The following ZBBX variants were observed in gnomAD, a reference collection of about 807,000 sequenced individuals.
ZBBX encodes the protein zinc finger B-box domain containing, also known as zinc finger B-box domain-containing protein 1.
ZBBX carries 101 observed loss-of-function variants against 108.5 expected under a neutral mutation model. That is an observed-to-expected ratio of 0.93 (90% CI 0.79 to 1.10). The LOEUF is 1.10. Among genes scored for constraint, ZBBX ranks in the 50% least tolerant of loss-of-function variants. ZBBX has a pLI of 0.00. For synonymous variants in ZBBX, 356 were observed against 323.4 expected, an observed-to-expected ratio of 1.10 and a Z score of -1.08; for missense variants, 1,009 against 941.4, an observed-to-expected ratio of 1.07 and a Z score of -0.94.
At chr3:167,390,535 A>G (rs745474748) in intron 1 of ZBBX, among the ~76,000 whole-genome samples, 3 of 151,902 alleles carry the variant, frequency 2.0e-5, no homozygotes, top group African/African-American at 4.8e-5. Flanking sequence ...AAGAAAGCCA[A>G]TGGTAGCTTG....
At chr3:167,343,849 CCAG>C (rs1459850042) in intron 9 of ZBBX, among the ~76,000 whole-genome samples, 2 of 151,944 alleles carry the variant, frequency 1.3e-5, no homozygotes, top group South Asian at 4.2e-4. Flanking sequence ...ACCATATGAC[CCAG>C]CAATTCCACC....
chr3:167,401,785 G>A (rs929329946), intron 1 of ZBBX, among the ~76,000 whole-genome samples: 2 of 152,170 alleles, frequency 1.3e-5, no homozygotes, highest in South Asian at 4.1e-4. Context: ...AACTGTCTGG[G>A]AATGCAGCCC....
intron 20 of ZBBX, among the ~76,000 whole-genome samples, chr3:167,247,174 A>G (rs1721717177): frequency 6.6e-6 from 1 of 152,180 alleles, no homozygotes; most frequent in Admixed American, 6.5e-5. Flanking sequence ...ACTAGCAGGC[A>G]GACACACAGG....
intron 9 of ZBBX, among the ~76,000 whole-genome samples, chr3:167,340,929 C>T (rs1335686297): frequency 6.6e-6 from 1 of 151,884 alleles, no homozygotes; most frequent in Admixed American, 6.6e-5. Context: ...TCCTGTTCTG[C>T]TCATCATATT....
the ZBBX span, among the ~76,000 whole-genome samples, chr3:167,186,663 C>G: frequency 6.6e-6 from 1 of 152,086 alleles, no homozygotes; most frequent in African/African-American, 2.4e-5. Context: ...TGACAGACCT[C>G]AGTAAATTTA....
rs147451579 is a variant in ZBBX at position 167,265,386 on chromosome 3, G to A, written c.2254+16852C>T. ...GTCAAGAAATATCATCTAGGAGCTA[G>A]GACCTGAAATGGGGGGCTCACAACT... On this transcript the variant is annotated intron_variant, in intron 20 of 21. Transcript: ENST00000675490. 3.5e-4 allele frequency among the ~76,000 whole-genome samples: 54 copies of A among 152,238 alleles called. 2 individuals carry two copies. In the East Asian group the frequency reaches 0.01, roughly 30 times the overall value.
intron 16 of ZBBX, among the ~76,000 whole-genome samples, chr3:167,308,182 C>T (rs562927875): frequency 5.3e-5 from 8 of 152,244 alleles, no homozygotes; most frequent in African/African-American, 1.9e-4. Context: ...AAGGGACATA[C>T]ATGTGACCAC....
At position 167,266,435 on chromosome 3, in the gene ZBBX, C is replaced by T. The variant is rs939887940; in HGVS notation, c.2254+15803G>A. 3.9e-5 allele frequency among the ~76,000 whole-genome samples: 6 copies of T among 152,122 alleles called. No homozygotes were observed. In the South Asian group the frequency reaches 8.3e-4, roughly 21 times the overall value. On this transcript the variant is annotated intron_variant, in intron 20 of 21. Transcript: ENST00000675490. ...TACTATAAACAGCTTACCCCCTTCC[C>T]GTCAGTTCTAATCAATAACTCACAT...
chr3:167,224,327 A>G, the ZBBX span, among the ~76,000 whole-genome samples: 4 of 151,950 alleles, frequency 2.6e-5, no homozygotes, highest in African/African-American at 7.2e-5. Context: ...CATTACAGAG[A>G]TGCTGATCAA....
intron 20 of ZBBX, among the ~76,000 whole-genome samples, chr3:167,268,157 AT>A (rs1725891997): frequency 6.6e-6 from 1 of 152,042 alleles, no homozygotes; most frequent in African/African-American, 2.4e-5. Flanking sequence ...AGGAGGTGCT[AT>A]TGGCTTTGTA....
At chr3:167,256,551 T>C (rs1173354024) in intron 20 of ZBBX, among the ~76,000 whole-genome samples, 1 of 148,662 alleles carries the variant, frequency 6.7e-6, no homozygotes, top group Non-Finnish European at 1.5e-5. Flanking sequence ...GCAGGTCTTA[T>C]GTATTATTTC....
chr3:167,205,569 T>C, the ZBBX span, among the ~76,000 whole-genome samples: 1 of 152,166 alleles, frequency 6.6e-6, no homozygotes, highest in African/African-American at 2.4e-5. Flanking sequence ...AGCTAACATT[T>C]ATGCAGGACT....
At chr3:167,397,166 A>AAAAAAAAAAAAAAAAAAAAAAAAAAG in intron 1 of ZBBX, among the ~76,000 whole-genome samples, 2 of 148,320 alleles carry the variant, frequency 1.3e-5, no homozygotes, top group South Asian at 4.3e-4. Context: ...AAAAAAAAAA[A>AAAAAAAAAAAAAAAAAAAAAAAAAAG]TCTGACTCCT....
intron 9 of ZBBX, among the ~76,000 whole-genome samples, chr3:167,340,064 A>G (rs78052859): frequency 0.017 from 2,597 of 152,268 alleles, 82 homozygotes; most frequent in African/African-American, 0.06. Flanking sequence ...ATTAGAAGTC[A>G]TCAAAACATT....
chr3:167,334,743 A>C (rs1036012922), intron 9 of ZBBX, among the ~76,000 whole-genome samples: 1 of 152,066 alleles, frequency 6.6e-6, no homozygotes. Context: ...TAGATGCGAT[A>C]TTTTGTGCAC....
intron 2 of ZBBX, among the ~76,000 whole-genome samples, chr3:167,376,256 G>T (rs1471182240): frequency 6.6e-6 from 1 of 152,024 alleles, no homozygotes; most frequent in African/African-American, 2.4e-5. Context: ...CATTTTTGTA[G>T]GTAGTATATT....
intron 17 of ZBBX, 36 bp from the exon 18 acceptor site, chr3:167,298,494 A>T: frequency 7.2e-7 from 1 of 1,387,034 alleles, no homozygotes. Context: ...TTATTTTCTA[A>T]CTCATTAACA....
At chr3:167,397,022 C>T (rs564932259) in intron 1 of ZBBX, among the ~76,000 whole-genome samples, 60 of 150,932 alleles carry the variant, frequency 4.0e-4, no homozygotes, top group African/African-American at 1.3e-3. Context: ...GATGGCATTG[C>T]TCATTTTTTT....
the ZBBX span, among the ~76,000 whole-genome samples, chr3:167,184,546 C>T: frequency 1.3e-5 from 2 of 152,050 alleles, no homozygotes; most frequent in African/African-American, 2.4e-5. Flanking sequence ...ACATAAAAAC[C>T]TATATATAAT....
Sources: allele counts gnomAD v4.1 joint callset (sites outside exome capture counted in the v4.1 genomes callset), GRCh38; gene constraint gnomAD v4.1.1; transcripts MANE v1.5; gene names NCBI Gene and HGNC (gene_info 2026-07-23, HGNC 2026-07-21).